The following LRRC37A2 variants were observed in gnomAD, a reference collection of about 807,000 sequenced individuals.
LRRC37A2 encodes the protein leucine-rich repeat-containing protein 37A2.
A neutral mutation model predicts 68.8 loss-of-function variants in LRRC37A2; 9 were observed. The observed-to-expected ratio is 0.13, with a 90% CI of 0.08 to 0.23. LRRC37A2 has a LOEUF of 0.23. Ranked by LOEUF, LRRC37A2 falls within the 10% of genes least tolerant of loss-of-function variation. The pLI, the probability that LRRC37A2 is intolerant of heterozygous loss-of-function variation, is 1.00. For missense variants in LRRC37A2, 168 were observed against 950.4 expected (o/e 0.18, Z 10.82); for synonymous variants, 63 against 367.6 (o/e 0.17, Z 9.48).
the LRRC37A2 span, among the ~76,000 whole-genome samples, chr17:46,799,693 C>A: frequency 6.6e-6 from 1 of 152,286 alleles, no homozygotes; most frequent in Admixed American, 6.5e-5. Flanking sequence ...AATGATCTGT[C>A]CGCCTTGGCC....
At chr17:46,771,747 GGCGCCCCCCGCCCCC>G in the LRRC37A2 span, among the ~76,000 whole-genome samples, 1 of 97,910 alleles carries the variant, frequency 1.0e-5, no homozygotes, top group African/African-American at 3.7e-5. Flanking sequence ...CCATTGAAGC[GGCGCCCCCCGCCCCC>G]GCGCCGCGCC....
chr17:46,995,479 T>C, the LRRC37A2 span, among the ~76,000 whole-genome samples: 1 of 151,614 alleles, frequency 6.6e-6, no homozygotes, highest in East Asian at 1.9e-4. Context: ...AACTCAGTTC[T>C]GGCCAAAAAA....
At chr17:46,937,207 CTA>C in the LRRC37A2 span, 1 of 152,128 alleles carries the variant, frequency 6.6e-6, no homozygotes, top group Non-Finnish European at 1.5e-5. Context: ...GTGATGCCAT[CTA>C]TAGAAGGGTT....
the LRRC37A2 span, among the ~76,000 whole-genome samples, chr17:46,377,587 T>TG: frequency 5.6e-5 from 3 of 53,964 alleles, no homozygotes; most frequent in African/African-American, 1.1e-4. Flanking sequence ...TTTTTTTTTT[T>TG]GAGACGGAGT....
At chr17:46,755,295 T>G in the LRRC37A2 span, 1 of 1,606,946 alleles carries the variant, frequency 6.2e-7, no homozygotes, top group South Asian at 1.1e-5. Flanking sequence ...CCCATCTTCA[T>G]TTCTTCTGAT....
At chr17:46,908,200 C>T in the LRRC37A2 span, among the ~76,000 whole-genome samples, 145 of 151,348 alleles carry the variant, frequency 9.6e-4, no homozygotes, top group African/African-American at 3.3e-3. Flanking sequence ...CCGCCCCCCT[C>T]ACTCTGTGAG....
chr17:46,755,748 TAG>T, the LRRC37A2 span: 2 of 1,370,338 alleles, frequency 1.5e-6, no homozygotes, highest in South Asian at 1.3e-5. Flanking sequence ...TTTTGATGAA[TAG>T]TTTTTTACGG....
chr17:47,026,748 T>A, the LRRC37A2 span, among the ~76,000 whole-genome samples: 1 of 152,316 alleles, frequency 6.6e-6, no homozygotes, highest in Non-Finnish European at 1.5e-5. Flanking sequence ...ATGATAGAAA[T>A]TAATTCTATT....
At chr17:46,862,163 CAAAAAAAAA>C in the LRRC37A2 span, among the ~76,000 whole-genome samples, 1 of 80,336 alleles carries the variant, frequency 1.2e-5, no homozygotes, top group African/African-American at 3.5e-5. Flanking sequence ...AACTCCGTCT[CAAAAAAAAA>C]AAAAAAAGAA....
chr17:46,960,822 C>T, the LRRC37A2 span, among the ~76,000 whole-genome samples: 1 of 152,120 alleles, frequency 6.6e-6, no homozygotes, highest in African/African-American at 2.4e-5. Context: ...GGACAAAGAA[C>T]AGATCAGTAG....
the LRRC37A2 span, among the ~76,000 whole-genome samples, chr17:46,713,581 CTG>C: frequency 6.6e-6 from 1 of 152,124 alleles, no homozygotes; most frequent in Non-Finnish European, 1.5e-5. Flanking sequence ...CCCTTACACT[CTG>C]TATATTTTGC....
chr17:46,944,025 C>T, the LRRC37A2 span, among the ~76,000 whole-genome samples: 1,171 of 152,242 alleles, frequency 7.7e-3, 32 homozygotes, highest in East Asian at 0.06. Context: ...TAGTGTGGTT[C>T]CACTGGCCCT....
At chr17:46,857,474 C>CA in the LRRC37A2 span, among the ~76,000 whole-genome samples, 13,251 of 94,056 alleles carry the variant, frequency 0.14, 888 homozygotes, top group Non-Finnish European at 0.17. Flanking sequence ...GACTCTGTCT[C>CA]AAAAAAAAAA....
the LRRC37A2 span, among the ~76,000 whole-genome samples, chr17:46,800,876 T>C: frequency 6.6e-6 from 1 of 152,160 alleles, no homozygotes; most frequent in Non-Finnish European, 1.5e-5. Flanking sequence ...GCAGAGGAAG[T>C]GATGGCTGAA....
the LRRC37A2 span, among the ~76,000 whole-genome samples, chr17:46,782,839 G>A: frequency 2.0e-3 from 308 of 152,306 alleles, 1 homozygote; most frequent in African/African-American, 6.6e-3. Context: ...ACTGTTCCTC[G>A]CCCTCCTGGA....
At chr17:46,818,385 G>A in the LRRC37A2 span, 2 of 828,854 alleles carry the variant, frequency 2.4e-6, no homozygotes, top group Non-Finnish European at 3.9e-6. Flanking sequence ...AGGAGGGGTG[G>A]GCGGGTGGGG....
At chr17:46,872,525 G>C in the LRRC37A2 span, 1 of 1,542,040 alleles carries the variant, frequency 6.5e-7, no homozygotes, top group Non-Finnish European at 8.8e-7. Flanking sequence ...AGCCTGACCG[G>C]GCGGGAAGTC....
chr17:46,879,332 G>C, the LRRC37A2 span, among the ~76,000 whole-genome samples: 2 of 152,110 alleles, frequency 1.3e-5, no homozygotes, highest in Non-Finnish European at 2.9e-5. Flanking sequence ...CTCGGAGCTG[G>C]TAAGCACATG....
chr17:46,834,621 T>C, the LRRC37A2 span, among the ~76,000 whole-genome samples: 1 of 152,168 alleles, frequency 6.6e-6, no homozygotes, highest in African/African-American at 2.4e-5. Context: ...GCCCTGTCCC[T>C]GAGGCTGGGC....
Sources: gnomAD v4.1 joint callset for allele counts (sites outside exome capture counted in the v4.1 genomes callset) on GRCh38, gnomAD v4.1.1 for gene constraint, MANE v1.5 for transcripts, NCBI Gene and HGNC (gene_info 2026-07-23, HGNC 2026-07-21) for gene names.